The following SYK variants were observed in gnomAD, a reference collection of about 807,000 sequenced individuals.
The protein encoded by SYK is spleen associated tyrosine kinase, also known as tyrosine-protein kinase SYK.
In SYK, 16 loss-of-function variants were observed where a neutral mutation model predicts 77.8. The observed-to-expected ratio is 0.21, with a 90% CI of 0.14 to 0.31. SYK has a LOEUF of 0.31. Among genes scored for constraint, SYK ranks in the 10% least tolerant of loss-of-function variants. SYK has a pLI of 1.00. For synonymous variants in SYK, 312 were observed against 308.7 expected, an observed-to-expected ratio of 1.01 and a Z score of -0.11; for missense variants, 529 against 814.4, an observed-to-expected ratio of 0.65 and a Z score of 4.26.
chr9:90,849,448 C>A (rs1350465506), intron 3 of SYK, among the ~76,000 whole-genome samples: 1 of 152,140 alleles, frequency 6.6e-6, no homozygotes, highest in South Asian at 2.1e-4. Context: ...TTCTCCATCT[C>A]CCAGCTCGTT....
intron 1 of SYK, among the ~76,000 whole-genome samples, chr9:90,814,528 A>T (rs540355671): frequency 2.0e-5 from 3 of 152,168 alleles, no homozygotes; most frequent in Non-Finnish European, 4.4e-5. Context: ...GGTCTGCCAG[A>T]CACCAAGCTG....
chr9:90,884,979 A>C (rs1213481932), intron 11 of SYK, among the ~76,000 whole-genome samples: 1 of 126,210 alleles, frequency 7.9e-6, no homozygotes, highest in Admixed American at 8.4e-5. Flanking sequence ...ATATATATAT[A>C]CCCAACATAT....
At chr9:90,872,523 G>C (rs1250742854) in intron 7 of SYK, among the ~76,000 whole-genome samples, 2 of 152,206 alleles carry the variant, frequency 1.3e-5, no homozygotes, top group Admixed American at 1.3e-4. Context: ...AAGCCTAGGG[G>C]ATCACCCAGT....
At position 90,843,953 on chromosome 9, in the gene SYK, A is replaced by G; in HGVS notation, c.55A>G (p.Asn19Asp). 6.3e-7 allele frequency: 1 copy of G among 1,576,676 alleles called. No homozygotes were observed. The highest frequency in any genetic ancestry group is 8.6e-7 in the Non-Finnish European group (1 of 1,161,506). ...CAACCACCTGCCCTTCTTTTTCGGCAACATCACCCGGGAGGAGGCAGAAGA... is the reference window on the plus strand; with the variant it reads ...CAACCACCTGCCCTTCTTTTTCGGCGACATCACCCGGGAGGAGGCAGAAGA... ...SANHLPFFFG[N>D]ITREEAEDYL... The change falls in exon 2 of 14, where the codon AAC becomes GAC. Residue 19 changes from asparagine (N) to aspartate (D), a missense_variant. This residue lies in a region of SYK where 321 missense variants were observed against 433.1 expected (regional missense o/e 0.74). Transcript: ENST00000375754.
intron 1 of SYK, among the ~76,000 whole-genome samples, chr9:90,822,111 T>C (rs772115748): frequency 4.5e-4 from 69 of 152,218 alleles, no homozygotes; most frequent in Non-Finnish European, 2.8e-4. Context: ...GGGGTGACTT[T>C]GTGGAATGTA....
At chr9:90,889,321 C>T (rs765864422) in intron 13 of SYK, among the ~76,000 whole-genome samples, 7 of 152,214 alleles carry the variant, frequency 4.6e-5, no homozygotes, top group Non-Finnish European at 7.3e-5. Flanking sequence ...GACCCCAAGC[C>T]GCCATCTCCA....
At chr9:90,838,345 G>A (rs1467350434) in intron 1 of SYK, among the ~76,000 whole-genome samples, 1 of 152,208 alleles carries the variant, frequency 6.6e-6, no homozygotes, top group Non-Finnish European at 1.5e-5. Context: ...AAATTCAACA[G>A]TGAATCATGA....
chr9:90,827,749 G>GT (rs1825709758), intron 1 of SYK, among the ~76,000 whole-genome samples: 1 of 152,202 alleles, frequency 6.6e-6, no homozygotes, highest in African/African-American at 2.4e-5. Flanking sequence ...GAGCTGGAAG[G>GT]TTTAGCGGTT....
chr9:90,856,280 T>C (rs1316441061), intron 3 of SYK, among the ~76,000 whole-genome samples: 1 of 152,248 alleles, frequency 6.6e-6, no homozygotes, highest in Non-Finnish European at 1.5e-5. Flanking sequence ...GTCTCTGTGG[T>C]TCCTACATCC....
chr9:90,818,222 C>A (rs1825367607), intron 1 of SYK, among the ~76,000 whole-genome samples: 1 of 152,166 alleles, frequency 6.6e-6, no homozygotes, highest in Non-Finnish European at 1.5e-5. Flanking sequence ...GAGGAGGGGG[C>A]AGTATCTCTG....
chr9:90,828,772 C>T (rs1825771669), intron 1 of SYK, among the ~76,000 whole-genome samples: 1 of 152,154 alleles, frequency 6.6e-6, no homozygotes, highest in Admixed American at 6.5e-5. Flanking sequence ...TGGAGAAGAA[C>T]TGCAGAGATG....
In SYK at chr9:90,839,285, T is replaced by C. The variant is rs760841965; in HGVS notation, c.-41-4573T>C. On this transcript the variant is annotated intron_variant, in intron 1 of 13. Transcript: ENST00000375754. Reference sequence around the variant, plus strand: ...TGTCCTTGCAGTGAACCAGTGATTCTGCCCAAACCATCACCACCAACATAC... The same window carrying C: ...TGTCCTTGCAGTGAACCAGTGATTCCGCCCAAACCATCACCACCAACATAC... Among the ~76,000 whole-genome samples the C allele has an allele frequency of 1.2e-4, 18 of 152,328 alleles. 1 individual carries two copies. In the South Asian group the frequency reaches 1.9e-3, roughly 16 times the overall value.
chr9:90,867,631 G>A (rs1023981558), intron 7 of SYK, among the ~76,000 whole-genome samples: 2 of 152,168 alleles, frequency 1.3e-5, no homozygotes, highest in Non-Finnish European at 1.5e-5. Flanking sequence ...TGTGAGGCGC[G>A]CTGCACAGTG....
In SYK at chr9:90,807,505, T is replaced by C. The variant is rs560155829; in HGVS notation, c.-42+5612T>C. On this transcript the variant is annotated intron_variant, in intron 1 of 13. Transcript: ENST00000375754. ...CAGGGGGCTTCACTCTGATACCTAA[T>C]GGAGACCGTGCCTGCAGTGCTCGGT... 4.6e-5 allele frequency among the ~76,000 whole-genome samples: 7 copies of C among 151,128 alleles called. No homozygotes were observed. The East Asian group carries it at 1.4e-3, about 29-fold the overall frequency.
intron 1 of SYK, among the ~76,000 whole-genome samples, chr9:90,808,741 C>A (rs1363599604): frequency 6.6e-6 from 1 of 152,094 alleles, no homozygotes. Context: ...CCTTGTCCTC[C>A]CGCTCCTCCC....
chr9:90,858,307 C>T (rs1200378551), intron 3 of SYK, among the ~76,000 whole-genome samples: 2 of 152,238 alleles, frequency 1.3e-5, no homozygotes, highest in Non-Finnish European at 2.9e-5. Flanking sequence ...CAAGGACTGT[C>T]TCAAGACCAG....
intron 1 of SYK, among the ~76,000 whole-genome samples, chr9:90,842,815 G>A (rs924409106): frequency 4.0e-5 from 6 of 150,704 alleles, no homozygotes; most frequent in African/African-American, 9.8e-5. Context: ...AGGGACATGC[G>A]CTTTGCTCCC....
intron 7 of SYK, among the ~76,000 whole-genome samples, chr9:90,873,432 G>A (rs1030163854): frequency 3.4e-4 from 51 of 152,216 alleles, no homozygotes; most frequent in African/African-American, 1.2e-3. Flanking sequence ...GAAAGGGTGG[G>A]TCAGGAAAAC....
At chr9:90,836,597 AT>A (rs2118556383) in intron 1 of SYK, among the ~76,000 whole-genome samples, 1 of 152,332 alleles carries the variant, frequency 6.6e-6, no homozygotes, top group Admixed American at 6.5e-5. Context: ...ACCTGCCTAA[AT>A]CACTGTGTGA....
Sources: gnomAD v4.1 joint callset for allele counts (sites outside exome capture counted in the v4.1 genomes callset) on GRCh38, gnomAD v4.1.1 for gene constraint, gnomAD v4.1.1 regional missense constraint, MANE v1.5 for transcripts, NCBI Gene and HGNC (gene_info 2026-07-23, HGNC 2026-07-21) for gene names.